POLR1H: variants seen among roughly 807,000 people sequenced by gnomAD.
The protein encoded by POLR1H is RNA polymerase I subunit H, also known as DNA-directed RNA polymerase I subunit RPA12.
A neutral mutation model predicts 15.8 loss-of-function variants in POLR1H; 5 were observed. The ratio of observed to expected loss-of-function variants is 0.32; its 90% CI spans 0.17 to 0.67. POLR1H has a LOEUF of 0.67. Among genes scored for constraint, POLR1H ranks in the 30% least tolerant of loss-of-function variants. The pLI, the probability that POLR1H is intolerant of heterozygous loss-of-function variation, is 0.74. For synonymous variants in POLR1H, 43 were observed against 58.3 expected (o/e 0.74, Z 1.20); for missense variants, 100 against 163.4 (o/e 0.61, Z 2.11).
Position 30,062,714 on chromosome 6 carries a change from C to CCTTTTTTTTTTTTTTTTTTTTTT in POLR1H, c.356+381_356+382insCTTTTTTTTTTTTTTTTTTTTTT, listed in dbSNP as rs749507630. Among the ~76,000 whole-genome samples the CCTTTTTTTTTTTTTTTTTTTTTT allele has an allele frequency of 2.8e-4, 12 of 42,388 alleles. 2 individuals carry two copies. Among genetic ancestry groups the CCTTTTTTTTTTTTTTTTTTTTTT allele is most frequent in the African/African-American group, 8.1e-4 (8 of 9,844 alleles). The allele number at this position is 42,388 out of a possible 152,430, so 27.8% of individuals were successfully genotyped here. ...CACAGACACATGCCACCACGCCTGGCTTTTTTTTTTTTTTTTTTTTTTTTT... is the reference window on the plus strand; with the variant it reads ...CACAGACACATGCCACCACGCCTGGCCTTTTTTTTTTTTTTTTTTTTTTTTTTTTTTTTTTTTTTTTTTTTTTT... On this transcript the variant is annotated intron_variant, in intron 3 of 3. Coordinates refer to ENST00000332435, the MANE Select transcript of POLR1H (RefSeq NM_170783.4).
Position 30,064,838 on chromosome 6 carries a change from T to C in POLR1H, c.*141T>C. ...TCAGATCATCATGTGGGGATTACCA[T>C]TGTTCCTGGAGTACTCCTACCCTTA... On this transcript the variant is annotated 3_prime_UTR_variant, in exon 4 of 4. Coordinates refer to ENST00000332435, the MANE Select transcript of POLR1H (RefSeq NM_170783.4). 1 of 649,814 alleles carries C rather than the reference T, an allele frequency of 1.5e-6. No individual in the cohort carries two copies. Among genetic ancestry groups the C allele is most frequent in the Admixed American group, 3.2e-5 (1 of 31,026 alleles). The allele number at this position is 649,814 out of a possible 1,614,324, so 40.3% of individuals were successfully genotyped here. A position where few individuals can be genotyped will look rare whatever the true frequency, so the allele number is the denominator to read the frequency against.
upstream of POLR1H, chr6:30,061,135 G>C: frequency 5.6e-6 from 1 of 179,474 alleles, no homozygotes; most frequent in Non-Finnish European, 1.2e-5. This position sits in a 1 kb window ranked among gnomAD's most constrained non-coding sequence, Gnocchi z 5.0. Flanking sequence ...AATCTCCCTT[G>C]GAAGACGTTA....
chr6:30,061,165 C>T (rs1376610376), upstream of POLR1H: 2 of 211,250 alleles, frequency 9.5e-6, no homozygotes, highest in Non-Finnish European at 1.9e-5. The surrounding 1 kb of genome is among the most constrained non-coding windows in gnomAD (Gnocchi z 5.0). Flanking sequence ...TCTAACGCTC[C>T]CGAGACACGG....
chr6:30,063,805 C>A lies in POLR1H; in HGVS notation c.357-868C>A, dbSNP rs1031805689. Reference sequence around the variant, plus strand: ...AAGCTGGAATTACTTTAAATAAATTCTTGGCTTCATGTTTTTTGGAGCAGA... The same window carrying A: ...AAGCTGGAATTACTTTAAATAAATTATTGGCTTCATGTTTTTTGGAGCAGA... On this transcript the variant is annotated intron_variant, in intron 3 of 3. Coordinates refer to ENST00000332435, the MANE Select transcript of POLR1H (RefSeq NM_170783.4). The surrounding 1 kb of genome is among the most constrained non-coding windows in gnomAD (Gnocchi z 4.1). Among the ~76,000 whole-genome samples, 10 of 152,196 alleles carry A rather than the reference C, an allele frequency of 6.6e-5. No individual in the cohort carries two copies. Among genetic ancestry groups the A allele is most frequent in the African/African-American group, 1.9e-4 (8 of 41,522 alleles).
chr6:30,062,047 A>T (rs1283744490), intron 2 of POLR1H, 30 bp downstream of exon 2: 1 of 1,596,814 alleles, frequency 6.3e-7, no homozygotes, highest in Non-Finnish European at 8.6e-7. Flanking sequence ...AACTGGCTCC[A>T]TAAGGTGGGT....
intron 3 of POLR1H, among the ~76,000 whole-genome samples, chr6:30,064,413 T>A (rs1389359373): frequency 6.6e-6 from 1 of 151,866 alleles, no homozygotes; most frequent in African/African-American, 2.4e-5. Flanking sequence ...GTTCAGCTTA[T>A]CCTTTTTTTT....
chr6:30,061,315 T>C lies in POLR1H; in HGVS notation c.-210T>C. 2.0e-6 allele frequency: 1 copy of C among 511,950 alleles called. No homozygotes were observed. Among genetic ancestry groups the C allele is most frequent in the Admixed American group, 3.6e-5 (1 of 27,830 alleles). 31.7% of individuals were successfully genotyped at this position (511,950 alleles called of 1,614,324 possible). A position where few individuals can be genotyped will look rare whatever the true frequency, so the allele number is the denominator to read the frequency against. On this transcript the variant is annotated 5_prime_UTR_variant, in exon 1 of 4. Transcript: ENST00000332435. The surrounding 1 kb of genome is among the most constrained non-coding windows in gnomAD (Gnocchi z 5.0). Reference sequence around the variant, plus strand: ...TTGGTTAACTCCTCTCACCGGCCCCTGGAAAGGGTTCCAAGTCCTTTAGTA... The same window carrying C: ...TTGGTTAACTCCTCTCACCGGCCCCCGGAAAGGGTTCCAAGTCCTTTAGTA...
At chr6:30,064,394 T>A (rs1765346633) in intron 3 of POLR1H, among the ~76,000 whole-genome samples, 1 of 152,030 alleles carries the variant, frequency 6.6e-6, no homozygotes, top group Non-Finnish European at 1.5e-5. Flanking sequence ...AGTTTTAAGT[T>A]TTTATAAGGT....
chr6:30,064,674 T>C lies in POLR1H; in HGVS notation c.358T>C (p.Phe120Leu). ...TVFYTCTNCK[F>L]QEKEDS ...AACAAGTCCTTTCTTTCCTCATAGG[T>C]TCCAGGAGAAGGAAGACTCTTGACC... Residue 120 changes from phenylalanine to leucine, a missense_variant and splice_region_variant, in exon 4 of 4, where the codon TTC becomes CTC. Around this residue, in one of 2 missense-constraint regions of POLR1H, gnomAD observed 13 missense variants for 43.6 expected, o/e 0.30. Transcript: ENST00000332435. 6.2e-7 allele frequency: 1 copy of C among 1,608,112 alleles called. No individual in the cohort carries two copies. The highest frequency in any genetic ancestry group is 8.5e-7 in the Non-Finnish European group (1 of 1,178,222).
chr6:30,062,073 G>A, intron 2 of POLR1H, 56 bp downstream of exon 2: 1 of 1,537,284 alleles, frequency 6.5e-7, no homozygotes, highest in Non-Finnish European at 9.0e-7. Context: ...AGAAATGGAG[G>A]AGTGATTGCA....
At chr6:30,062,396 ATTT>A in intron 3 of POLR1H, 63 bp downstream of exon 3, 1 of 1,182,862 alleles carries the variant, frequency 8.5e-7, no homozygotes, top group Non-Finnish European at 1.3e-6. Context: ...CCAGTGATTT[ATTT>A]TTTTGTACGA....
At chr6:30,064,534 G>A (rs1483627726) in intron 3 of POLR1H, 139 bp from the exon 4 acceptor site, 6 of 613,802 alleles carry the variant, frequency 9.8e-6, no homozygotes, top group Non-Finnish European at 1.6e-5. Context: ...AATTAGAATT[G>A]GAAGTTTGTT....
At chr6:30,062,196 C>T (rs1472443974) in intron 2 of POLR1H, 28 bp from the exon 3 acceptor site, 1 of 1,573,020 alleles carries the variant, frequency 6.4e-7, no homozygotes, top group East Asian at 2.2e-5. Context: ...TATGACCAGG[C>T]CTCCCTAACC....
intron 3 of POLR1H, among the ~76,000 whole-genome samples, chr6:30,062,909 A>C (rs147211057): frequency 2.0e-5 from 3 of 151,318 alleles, no homozygotes; most frequent in East Asian, 3.9e-4. Context: ...AAGAAAAAAA[A>C]AACAACATAA....
In POLR1H at chr6:30,064,669, A is replaced by C. The variant is rs368173908; in HGVS notation, c.357-4A>C. 2 of 1,607,428 alleles carry C rather than the reference A, an allele frequency of 1.2e-6. No individual in the cohort carries two copies. Among genetic ancestry groups the C allele is most frequent in the African/African-American group, 2.7e-5 (2 of 74,452 alleles). On this transcript the variant is annotated splice_region_variant and splice_polypyrimidine_tract_variant and intron_variant, in intron 3 of 3. Coordinates refer to ENST00000332435, the MANE Select transcript of POLR1H (RefSeq NM_170783.4). ...AATATAACAAGTCCTTTCTTTCCTC[A>C]TAGGTTCCAGGAGAAGGAAGACTCT...
At chr6:30,062,543 ATTTTTTTTTTTTTTTT>A (rs9278553) in intron 3 of POLR1H, among the ~76,000 whole-genome samples, 6 of 64,992 alleles carry the variant, frequency 9.2e-5, no homozygotes, top group African/African-American at 2.9e-4. Flanking sequence ...ACCTTTTAGG[ATTTTTTTTTTTTTTTT>A]TTTTTTTTTT....
chr6:30,062,477 G>T, intron 3 of POLR1H, 144 bp downstream of exon 3: 86 of 428,158 alleles, frequency 2.0e-4, no homozygotes, highest in South Asian at 1.1e-3. Context: ...ATTTGTAGTT[G>T]TTTTTTATTT....
At position 30,062,714 on chromosome 6, in the gene POLR1H, C is replaced by CCTTTTTTTTTTTTTTTTTTTTT. The variant is rs749507630; in HGVS notation, c.356+381_356+382insCTTTTTTTTTTTTTTTTTTTTT. On this transcript the variant is annotated intron_variant, in intron 3 of 3. Coordinates refer to ENST00000332435, the MANE Select transcript of POLR1H (RefSeq NM_170783.4). ...CACAGACACATGCCACCACGCCTGGCTTTTTTTTTTTTTTTTTTTTTTTTT... is the reference window on the plus strand; with the variant it reads ...CACAGACACATGCCACCACGCCTGGCCTTTTTTTTTTTTTTTTTTTTTTTTTTTTTTTTTTTTTTTTTTTTTT... 2.1e-4 allele frequency among the ~76,000 whole-genome samples: 9 copies of CCTTTTTTTTTTTTTTTTTTTTT among 42,388 alleles called. 1 individual carries two copies. Among genetic ancestry groups the CCTTTTTTTTTTTTTTTTTTTTT allele is most frequent in the Admixed American group, 6.0e-4 (2 of 3,338 alleles). The allele number at this position is 42,388 out of a possible 152,430, so 27.8% of individuals were successfully genotyped here.
At position 30,061,925 on chromosome 6, in the gene POLR1H, G is replaced by T; in HGVS notation, c.154G>T (p.Gly52Trp). The T allele has an allele frequency of 6.2e-7, 1 of 1,613,092 alleles. No homozygotes were observed. Among genetic ancestry groups the T allele is most frequent in the Non-Finnish European group, 8.5e-7 (1 of 1,180,016 alleles). The part of the protein sequence containing the change: ...GFNINVRDFE[G>W]KVVKTSVVFH... ...CTTACTTGCCTGTGCAGACTTTGAG[G>T]GGAAGGTTGTGAAGACTTCGGTTGT... Residue 52 changes from glycine (G) to tryptophan (W), a missense_variant, in exon 2 of 4, where the codon GGG becomes TGG. Gly to Trp is a radical substitution (Grantham distance 184, BLOSUM62 -2). Transcript: ENST00000332435. The surrounding 1 kb of genome is among the most constrained non-coding windows in gnomAD (Gnocchi z 5.0).
Sources: gnomAD v4.1 joint callset for allele counts (sites outside exome capture counted in the v4.1 genomes callset) on GRCh38, gnomAD v4.1.1 for gene constraint, gnomAD v4.1.1 regional missense constraint, Gnocchi (gnomAD v3.1) non-coding constraint, MANE v1.5 for transcripts, NCBI Gene and HGNC (gene_info 2026-07-23, HGNC 2026-07-21) for gene names.